DCLK1: variants seen among roughly 807,000 people sequenced by gnomAD.
DCLK1 encodes the protein serine/threonine-protein kinase DCLK1.
In DCLK1, 16 loss-of-function variants were observed where a neutral mutation model predicts 86.2. That is an observed-to-expected ratio of 0.19 (90% CI 0.13 to 0.28). The LOEUF is 0.28. Ranked by LOEUF, DCLK1 falls within the 10% of genes least tolerant of loss-of-function variation. The pLI, the probability that DCLK1 is intolerant of heterozygous loss-of-function variation, is 1.00. For missense variants in DCLK1, 590 were observed against 940.2 expected, an observed-to-expected ratio of 0.63 and a Z score of 4.87; for synonymous variants, 369 against 370.5, an observed-to-expected ratio of 1.00 and a Z score of 0.05.
intron 16 of DCLK1, among the ~76,000 whole-genome samples, chr13:35,792,757 A>C (rs979581915): frequency 6.6e-6 from 1 of 152,246 alleles, no homozygotes. Flanking sequence ...CTGCATGTAT[A>C]GAACAGAAAA....
chr13:35,831,128 T>C (rs1344784827), intron 8 of DCLK1, among the ~76,000 whole-genome samples: 1 of 152,176 alleles, frequency 6.6e-6, no homozygotes, highest in African/African-American at 2.4e-5. Context: ...ACCTTGTGGA[T>C]TTCCACTATA....
intron 3 of DCLK1, among the ~76,000 whole-genome samples, chr13:36,001,667 A>G (rs191479540): frequency 2.6e-5 from 4 of 152,328 alleles, no homozygotes; most frequent in African/African-American, 9.6e-5. Flanking sequence ...GATGAAGGAG[A>G]CAAAAGAAGA....
intron 4 of DCLK1, among the ~76,000 whole-genome samples, chr13:35,875,347 G>T (rs993292253): frequency 1.3e-5 from 2 of 152,154 alleles, no homozygotes; most frequent in Non-Finnish European, 2.9e-5. Flanking sequence ...GGTACACATT[G>T]TTCATAATAT....
intron 3 of DCLK1, among the ~76,000 whole-genome samples, chr13:36,051,067 T>G (rs976618147): frequency 2.6e-5 from 4 of 152,186 alleles, no homozygotes; most frequent in African/African-American, 7.2e-5. Context: ...CTAAAGTGCT[T>G]AAGGGCCAAA....
At chr13:35,803,485 T>G (rs1844298301) in intron 15 of DCLK1, among the ~76,000 whole-genome samples, 1 of 152,200 alleles carries the variant, frequency 6.6e-6, no homozygotes, top group South Asian at 2.1e-4. Flanking sequence ...CAAACCTCAG[T>G]GCATAGCTCT....
chr13:35,816,516 G>A (rs774658424), intron 11 of DCLK1, among the ~76,000 whole-genome samples: 26 of 152,076 alleles, frequency 1.7e-4, no homozygotes, highest in Admixed American at 1.4e-3. Context: ...GACATACCAG[G>A]CATTGTGATG....
intron 5 of DCLK1, chr13:35,855,573 C>A: frequency 6.3e-7 from 1 of 1,587,964 alleles, no homozygotes; most frequent in East Asian, 2.3e-5. Flanking sequence ...GGCGGAATCC[C>A]GTCTCAGCAC....
rs367800851 is a variant in DCLK1, at chr13:35,779,261, C to T, written c.2059-4562G>A. Among the ~76,000 whole-genome samples the T allele has an allele frequency of 4.7e-4, 71 of 152,298 alleles. 1 individual carries two copies. The highest frequency in any genetic ancestry group is 1.4e-3 in the African/African-American group (59 of 41,554). On this transcript the variant is annotated intron_variant, in intron 16 of 16. Transcript: ENST00000360631. ...AAAGTGCTGGGATTACAGGTGTGAGCCACTGCGCCCGGCCAATTTATTTAT... is the reference window on the plus strand; with the variant it reads ...AAAGTGCTGGGATTACAGGTGTGAGTCACTGCGCCCGGCCAATTTATTTAT...
chr13:36,022,329 A>C (rs912152308), intron 3 of DCLK1, among the ~76,000 whole-genome samples: 2 of 152,134 alleles, frequency 1.3e-5, no homozygotes, highest in Non-Finnish European at 2.9e-5. Context: ...ATCTCAAATC[A>C]ATAATCTAAC....
At chr13:35,818,954 G>C (rs2087332703) in intron 11 of DCLK1, among the ~76,000 whole-genome samples, 1 of 152,104 alleles carries the variant, frequency 6.6e-6, no homozygotes. Flanking sequence ...GCTCAGTGAA[G>C]TTTACACTGA....
In DCLK1 at chr13:35,774,491, G is replaced by A; in HGVS notation, c.*44C>T. 1 of 1,542,136 alleles carries A rather than the reference G, an allele frequency of 6.5e-7. No homozygotes were observed. The highest frequency in any genetic ancestry group is 8.8e-7 in the Non-Finnish European group (1 of 1,141,290). On this transcript the variant is annotated 3_prime_UTR_variant, in exon 17 of 17. Transcript: ENST00000360631. ...ACAAATTTGGGGGAAAAAAATCTCA[G>A]AGTCTCAAAGGGTTAAGCTAGGACT...
intron 3 of DCLK1, among the ~76,000 whole-genome samples, chr13:35,997,574 T>C (rs1880527449): frequency 6.6e-6 from 1 of 152,236 alleles, no homozygotes; most frequent in African/African-American, 2.4e-5. Context: ...GAGGTGGTGT[T>C]GGCCTGATTA....
rs191858543 is a variant in DCLK1 at position 36,067,577 on chromosome 13, T to C, written c.723+44292A>G. 4.1e-3 allele frequency among the ~76,000 whole-genome samples: 626 copies of C among 151,846 alleles called. 4 individuals carry two copies. Among genetic ancestry groups the C allele is most frequent in the African/African-American group, 0.014 (597 of 41,408 alleles). On this transcript the variant is annotated intron_variant, in intron 3 of 16. Transcript: ENST00000360631. ...GTATAATAATAATAAAATTAAAAAA[T>C]AAAAATAAAAATAAAAGAACCTGTG...
chr13:36,073,593 A>G (rs1222814931), intron 3 of DCLK1, among the ~76,000 whole-genome samples: 3 of 152,198 alleles, frequency 2.0e-5, no homozygotes, highest in Non-Finnish European at 2.9e-5. Context: ...ATCACCCAAA[A>G]CAAACAAGGA....
At chr13:36,020,370 AG>A (rs1881723632) in intron 3 of DCLK1, among the ~76,000 whole-genome samples, 1 of 152,242 alleles carries the variant, frequency 6.6e-6, no homozygotes. Flanking sequence ...GCTCCTCCAT[AG>A]AAATAAAAAC....
At chr13:36,085,422 C>A (rs1884557474) in intron 3 of DCLK1, among the ~76,000 whole-genome samples, 1 of 151,986 alleles carries the variant, frequency 6.6e-6, no homozygotes. Flanking sequence ...AAAAGCTATA[C>A]TGCACATATT....
At chr13:35,882,597 C>T (rs931930393) in intron 4 of DCLK1, among the ~76,000 whole-genome samples, 1 of 152,192 alleles carries the variant, frequency 6.6e-6, no homozygotes, top group Non-Finnish European at 1.5e-5. Flanking sequence ...AGCTTTCTGT[C>T]TCCCTTTTCT....
intron 3 of DCLK1, among the ~76,000 whole-genome samples, chr13:35,962,099 C>T (rs1263554512): frequency 2.6e-5 from 4 of 152,100 alleles, no homozygotes; most frequent in East Asian, 3.8e-4. Context: ...AACTCTACAG[C>T]GAACAAAATA....
intron 4 of DCLK1, among the ~76,000 whole-genome samples, chr13:35,907,700 C>T (rs950824066): frequency 6.6e-6 from 1 of 152,112 alleles, no homozygotes; most frequent in Non-Finnish European, 1.5e-5. Flanking sequence ...CTCTGCATTA[C>T]AGTTGGTGTC....
Sources: gnomAD v4.1 joint callset for allele counts (sites outside exome capture counted in the v4.1 genomes callset) on GRCh38, gnomAD v4.1.1 for gene constraint, MANE v1.5 for transcripts, NCBI Gene and HGNC (gene_info 2026-07-23, HGNC 2026-07-21) for gene names.